Variants in NADSYN1 observed in about 807,000 individuals in gnomAD.
NADSYN1 encodes glutamine-dependent NAD(+) synthetase.
A neutral mutation model predicts 99.3 loss-of-function variants in NADSYN1; 80 were observed. The ratio of observed to expected loss-of-function variants is 0.81; its 90% CI spans 0.67 to 0.97. The LOEUF (loss-of-function observed/expected upper bound fraction) is 0.97, where lower values mean the gene tolerates loss of function less well. Ranked by LOEUF, NADSYN1 falls within the 50% of genes least tolerant of loss-of-function variation. NADSYN1 has a pLI of 0.00. For missense variants in NADSYN1, 859 were observed against 948.5 expected, an observed-to-expected ratio of 0.91 and a Z score of 1.24; for synonymous variants, 385 against 372.1, an observed-to-expected ratio of 1.03 and a Z score of -0.40.
intron 3 of NADSYN1, among the ~76,000 whole-genome samples, chr11:71,462,681 G>T (rs1949558102): frequency 6.6e-6 from 1 of 152,200 alleles, no homozygotes; most frequent in African/African-American, 2.4e-5. Context: ...CAGTGGCAAG[G>T]CTGGAATTGG....
intron 16 of NADSYN1, among the ~76,000 whole-genome samples, chr11:71,488,998 G>T (rs761963000): frequency 6.6e-6 from 1 of 152,052 alleles, no homozygotes; most frequent in African/African-American, 2.4e-5. Context: ...CCTGGCCAGC[G>T]CGCCCACAGC....
At chr11:71,494,355 G>A (rs1314892517) in intron 18 of NADSYN1, among the ~76,000 whole-genome samples, 1 of 152,178 alleles carries the variant, frequency 6.6e-6, no homozygotes, top group Non-Finnish European at 1.5e-5. Context: ...TGCTGTGCAC[G>A]TGTGTAGCCT....
At chr11:71,497,320 CT>C (rs1949826575) in intron 18 of NADSYN1, 162 bp from the exon 19 acceptor site, 2 of 783,814 alleles carry the variant, frequency 2.6e-6, no homozygotes, top group Non-Finnish European at 4.0e-6. Flanking sequence ...ATGCTACCTC[CT>C]TACTGGCTGA....
intron 2 of NADSYN1, among the ~76,000 whole-genome samples, chr11:71,456,799 C>T (rs1240425622): frequency 6.6e-6 from 1 of 152,198 alleles, no homozygotes; most frequent in Non-Finnish European, 1.5e-5. Flanking sequence ...GCTGAGCAGG[C>T]TCCTGTGAAA....
At chr11:71,496,386 G>A (rs1949818645) in intron 18 of NADSYN1, 1 of 152,256 alleles carries the variant, frequency 6.6e-6, no homozygotes, top group South Asian at 2.1e-4. Context: ...CAGATCATCA[G>A]GTGGTAGATT....
intron 9 of NADSYN1, chr11:71,477,159 A>T (rs3794062): frequency 0.06 from 68,583 of 1,139,092 alleles, 2,623 homozygotes; most frequent in African/African-American, 0.15. Flanking sequence ...CGCGTTTCTC[A>T]GGGTCTTCCT....
At chr11:71,492,782 T>C (rs560628965) in intron 18 of NADSYN1, among the ~76,000 whole-genome samples, 11 of 152,302 alleles carry the variant, frequency 7.2e-5, no homozygotes, top group African/African-American at 2.6e-4. Flanking sequence ...CATGACACTA[T>C]AGATCAGTTT....
At chr11:71,474,578 G>T (rs751704200) in intron 9 of NADSYN1, 52 bp downstream of exon 9, 2 of 1,610,868 alleles carry the variant, frequency 1.2e-6, no homozygotes, top group South Asian at 2.2e-5. Context: ...TGCAGAGACC[G>T]AGCTCCTGGC....
chr11:71,460,949 G>A (rs1417192910), intron 3 of NADSYN1: 3 of 152,158 alleles, frequency 2.0e-5, no homozygotes, highest in Admixed American at 6.5e-5. Flanking sequence ...TTTTAAAAAC[G>A]ACTGTCTTAT....
chr11:71,467,092 A>T (rs1949597287), intron 5 of NADSYN1, among the ~76,000 whole-genome samples: 1 of 152,186 alleles, frequency 6.6e-6, no homozygotes. Flanking sequence ...GGCTGAACAC[A>T]TGCCTCCCTC....
At chr11:71,493,203 T>G (rs1157987177) in intron 18 of NADSYN1, among the ~76,000 whole-genome samples, 2 of 152,212 alleles carry the variant, frequency 1.3e-5, no homozygotes, top group Non-Finnish European at 2.9e-5. Context: ...CTCTAATGTC[T>G]TTCAACAGTG....
intron 1 of NADSYN1, 120 bp from the exon 2 acceptor site, chr11:71,454,990 C>T (rs1949503477): frequency 4.3e-6 from 3 of 703,036 alleles, no homozygotes; most frequent in African/African-American, 1.9e-5. Flanking sequence ...AGGCACAGAG[C>T]ATTTTTGTTT....
chr11:71,484,373 G>C lies in NADSYN1; in HGVS notation c.1381G>C (p.Val461Leu). Residue 461 changes from valine to leucine, a missense_variant, in exon 15 of 21, where the codon GTG (valine) becomes CTG (leucine). Transcript: ENST00000319023. The part of the protein sequence containing the change: ...VKAVMGIFSL[V>L]TGKSPLFAAH... Reference sequence around the variant, plus strand: ...GGCCGTCATGGGCATCTTCAGCCTGGTGACGGGGAAGAGCCCTCTGTTTGC... The same window carrying C: ...GGCCGTCATGGGCATCTTCAGCCTGCTGACGGGGAAGAGCCCTCTGTTTGC... 6.2e-7 allele frequency: 1 copy of C among 1,614,244 alleles called. No individual in the cohort carries two copies. The highest frequency in any genetic ancestry group is 8.5e-7 in the Non-Finnish European group (1 of 1,180,032).
intron 10 of NADSYN1, chr11:71,479,823 T>G (rs1949693045): frequency 6.6e-6 from 1 of 152,260 alleles, no homozygotes; most frequent in Admixed American, 6.5e-5. Flanking sequence ...GAGTCGGCCC[T>G]CTGTATCCAT....
intron 5 of NADSYN1, among the ~76,000 whole-genome samples, chr11:71,471,203 G>A (rs546582656): frequency 6.6e-5 from 10 of 152,294 alleles, no homozygotes; most frequent in East Asian, 3.9e-4. Flanking sequence ...TTTCATCCCC[G>A]TGGAAGAGGT....
chr11:71,499,298 T>C (rs1949842299), intron 20 of NADSYN1: 1 of 152,246 alleles, frequency 6.6e-6, no homozygotes, highest in South Asian at 2.1e-4. Context: ...CTGTCAGTTA[T>C]ACCCGGTAAT....
At chr11:71,466,591 T>A (rs958986347) in intron 5 of NADSYN1, 2 of 152,198 alleles carry the variant, frequency 1.3e-5, no homozygotes, top group Non-Finnish European at 2.9e-5. Context: ...GTAATTTCAC[T>A]CTCTCTGCCA....
intron 5 of NADSYN1, 139 bp downstream of exon 5, chr11:71,464,281 G>A (rs903665171): frequency 4.2e-5 from 29 of 693,126 alleles, no homozygotes; most frequent in Admixed American, 1.7e-4. Flanking sequence ...GGGACAAAAA[G>A]CACAAAGAAA....
intron 5 of NADSYN1, among the ~76,000 whole-genome samples, chr11:71,470,831 A>G (rs61885916): frequency 1.6e-3 from 248 of 152,294 alleles, no homozygotes; most frequent in Non-Finnish European, 3.0e-3. Flanking sequence ...CTGGCAAGTG[A>G]CATGTCTGTG....
Sources: allele counts gnomAD v4.1 joint callset (sites outside exome capture counted in the v4.1 genomes callset), GRCh38; gene constraint gnomAD v4.1.1; transcripts MANE v1.5; gene names NCBI Gene and HGNC (gene_info 2026-07-23, HGNC 2026-07-21).